Variants in MTRR observed in about 807,000 individuals in gnomAD.
MTRR encodes 5-methyltetrahydrofolate-homocysteine methyltransferase reductase, also known as methionine synthase reductase.
In MTRR, 63 loss-of-function variants were observed where a neutral mutation model predicts 79.2. The ratio of observed to expected loss-of-function variants is 0.80; its 90% confidence interval spans 0.65 to 0.98. MTRR has a LOEUF of 0.98. Among genes scored for constraint, MTRR ranks in the 50% least tolerant of loss-of-function variants. The pLI is 0.00. For synonymous variants in MTRR, 355 were observed against 313.3 expected (o/e 1.13, Z -1.41); for missense variants, 895 against 839.6 (o/e 1.07, Z -0.82).
At chr5:7,873,986 GT>G (rs961300034) in intron 3 of MTRR, among the ~76,000 whole-genome samples, 15 of 152,300 alleles carry the variant, frequency 9.8e-5, no homozygotes, top group Non-Finnish European at 1.6e-4. Context: ...AGCTAGGGGA[GT>G]TTTTACTAAA....
chr5:7,871,416 T>TGG (rs1464317261), intron 2 of MTRR, among the ~76,000 whole-genome samples: 2 of 152,358 alleles, frequency 1.3e-5, no homozygotes, highest in East Asian at 3.9e-4. Context: ...AGGGACTAGT[T>TGG]GTTTATGTTC....
intron 8 of MTRR, among the ~76,000 whole-genome samples, chr5:7,887,496 G>A (rs1425753430): frequency 4.0e-5 from 6 of 148,876 alleles, no homozygotes; most frequent in African/African-American, 1.5e-4. Context: ...CTAGTCTTGG[G>A]TGAGTAAAGT....
At chr5:7,886,886 T>C (rs1262981125) in intron 8 of MTRR, among the ~76,000 whole-genome samples, 183 bp downstream of exon 8, 2 of 152,234 alleles carry the variant, frequency 1.3e-5, no homozygotes, top group Non-Finnish European at 2.9e-5. Flanking sequence ...TGAATCTTTT[T>C]ATGTTGTATT....
rs1445083355 is a variant in MTRR, at chr5:7,878,156, A to T, written c.614A>T (p.Glu205Val). Reference sequence around the variant, plus strand: ...GATGATTCAGGAAGAAAGGATTCTGAGGTTTTGAAGCAAAATGCAGTGAAC... The same window carrying T: ...GATGATTCAGGAAGAAAGGATTCTGTGGTTTTGAAGCAAAATGCAGTGAAC... ...RFDDSGRKDS[E>V]VLKQNAVNSN... The change falls in exon 5 of 15, where the codon GAG becomes GTG. Residue 205 changes from glutamate to valine, a missense_variant. Coordinates refer to ENST00000440940, the MANE Select transcript of MTRR (RefSeq NM_002454.3). The T allele has an allele frequency of 6.2e-7, 1 of 1,614,158 alleles. No homozygotes were observed. Among genetic ancestry groups the T allele is most frequent in the Non-Finnish European group, 8.5e-7 (1 of 1,180,038 alleles).
chr5:7,868,219 A>T, upstream of MTRR: 1 of 602,806 alleles, frequency 1.7e-6, no homozygotes, highest in Non-Finnish European at 2.7e-6. Flanking sequence ...AAAAAAAAAA[A>T]AAAAGGATGG....
chr5:7,894,639 T>A (rs1579806621), intron 11 of MTRR, among the ~76,000 whole-genome samples: 1 of 152,348 alleles, frequency 6.6e-6, no homozygotes, highest in Non-Finnish European at 1.5e-5. Flanking sequence ...GACATGGGCC[T>A]TCTTTGACAT....
upstream of MTRR, among the ~76,000 whole-genome samples, chr5:7,864,623 C>T (rs1405520863): frequency 6.6e-6 from 1 of 152,148 alleles, no homozygotes; most frequent in East Asian, 1.9e-4. Context: ...ATGGCCAACA[C>T]ATATTTGAAA....
Position 7,885,681 on chromosome 5 carries a change from T to TTTTC in MTRR, c.904-20_904-19insTTTC, listed in dbSNP as rs1554003809. The TTTTC allele has an allele frequency of 6.3e-6, 10 of 1,597,468 alleles. No individual in the cohort carries two copies. The highest frequency in any genetic ancestry group is 1.3e-5 in the African/African-American group (1 of 74,130). ...ACACGTATAATGTATTTTTTTTTTT[T>TTTTC]CATTTTGGCTCTTCTCTAGAATACA... On this transcript the variant is annotated intron_variant, in intron 6 of 14. Coordinates refer to ENST00000440940, the MANE Select transcript of MTRR (RefSeq NM_002454.3).
chr5:7,895,982 A>C (rs758039072), intron 12 of MTRR, 130 bp downstream of exon 12: 27 of 1,185,242 alleles, frequency 2.3e-5, no homozygotes, highest in Non-Finnish European at 3.2e-5. Flanking sequence ...GTGCGATAAC[A>C]TAATTTGTCA....
intron 1 of MTRR, 111 bp downstream of exon 1, chr5:7,869,326 C>T: frequency 7.5e-7 from 1 of 1,335,362 alleles, no homozygotes; most frequent in Non-Finnish European, 1.0e-6. Context: ...GCCCGTGGTT[C>T]CCACGCCCTT....
intron 9 of MTRR, among the ~76,000 whole-genome samples, chr5:7,889,972 AC>A (rs1737276252): frequency 6.6e-6 from 1 of 151,722 alleles, no homozygotes; most frequent in Non-Finnish European, 1.5e-5. Flanking sequence ...ATGTCCTAGG[AC>A]CTCTCTGTGG....
chr5:7,878,264 A>C lies in MTRR; in HGVS notation c.722A>C (p.Asn241Thr), dbSNP rs1734925433. The change falls in exon 5 of 15, where the codon AAT (asparagine) becomes ACT (threonine). Residue 241 changes from asparagine to threonine, a missense_variant. Coordinates refer to ENST00000440940, the MANE Select transcript of MTRR (RefSeq NM_002454.3). Reference sequence around the variant, plus strand: ...CCCCCACTCTCACAAGCCTCTCTGAATATTCCTGGTTTACCCCCAGAATAT... The same window carrying C: ...CCCCCACTCTCACAAGCCTCTCTGACTATTCCTGGTTTACCCCCAGAATAT... The part of the protein sequence containing the change: ...SVPPLSQASL[N>T]IPGLPPEYLQ... 1 of 1,614,228 alleles carries C rather than the reference A, an allele frequency of 6.2e-7. No homozygotes were observed.
intron 5 of MTRR, among the ~76,000 whole-genome samples, chr5:7,880,698 C>T (rs11739527): frequency 0.015 from 2,283 of 152,170 alleles, 30 homozygotes; most frequent in Non-Finnish European, 0.024. Context: ...TCTTCTTGGC[C>T]CTCCCCATGA....
In MTRR at chr5:7,896,894, A is replaced by G; in HGVS notation, c.1707A>G (p.Gly569=). ...REKLQEQHPD[G]NFGAMWLFFG... is the part of the protein sequence containing the mutation. ...AACTCCAAGAACAACACCCAGATGG[A>G]AATTTTGGAGCAATGTGGTTGTTTT... is the stretch of plus-strand genomic sequence containing the variant. Residue 569 remains glycine (G), a synonymous_variant, in exon 13 of 15, where the codon GGA becomes GGG. Transcript: ENST00000440940. The G allele has an allele frequency of 6.2e-7, 1 of 1,614,066 alleles. No individual in the cohort carries two copies. Among genetic ancestry groups the G allele is most frequent in the Non-Finnish European group, 8.5e-7 (1 of 1,180,000 alleles).
At chr5:7,886,044 G>A (rs1736377600) in intron 7 of MTRR, among the ~76,000 whole-genome samples, 190 bp downstream of exon 7, 1 of 152,174 alleles carries the variant, frequency 6.6e-6, no homozygotes, top group African/African-American at 2.4e-5. Flanking sequence ...CATGTTAATT[G>A]CACTGAATAA....
intron 1 of MTRR, among the ~76,000 whole-genome samples, chr5:7,854,411 C>A (rs764172525): frequency 6.6e-6 from 1 of 151,888 alleles, no homozygotes; most frequent in Non-Finnish European, 1.5e-5. Context: ...CTCACGTGAT[C>A]ACAAGTTCCC....
rs763503458 is a variant in MTRR, at chr5:7,885,842, A to T, written c.1045A>T (p.Thr349Ser). The change falls in exon 7 of 15, where the codon ACA becomes TCA. Residue 349 changes from threonine to serine, a missense_variant. Coordinates refer to ENST00000440940, the MANE Select transcript of MTRR (RefSeq NM_002454.3). ...CGTCCTTTTGAAAATAAAGGCAGAC[A>T]CAAAGAAGAAAGGTAACAGCCCTGA... ...HCVLLKIKAD[T>S]KKKGATLPQH... 6.2e-7 allele frequency: 1 copy of T among 1,614,130 alleles called. No individual in the cohort carries two copies. Among genetic ancestry groups the T allele is most frequent in the South Asian group, 1.1e-5 (1 of 91,072 alleles).
Position 7,889,648 on chromosome 5 carries a change from C to T in MTRR, c.1327+373C>T, listed in dbSNP as rs1401017626. 2.0e-5 allele frequency among the ~76,000 whole-genome samples: 3 copies of T among 152,096 alleles called. No individual in the cohort carries two copies. The East Asian group carries it at 5.8e-4, about 29-fold the overall frequency. ...TCAGAAAGGTTGTTTAGCTAAATGT[C>T]TAAAAATGAGCTTCCTATAAAATTT... On this transcript the variant is annotated intron_variant, in intron 9 of 14. Coordinates refer to ENST00000440940, the MANE Select transcript of MTRR (RefSeq NM_002454.3).
chr5:7,883,741 A>G (rs1735970008), intron 6 of MTRR, among the ~76,000 whole-genome samples: 1 of 152,220 alleles, frequency 6.6e-6, no homozygotes, highest in African/African-American at 2.4e-5. Context: ...CTAGGGAAGA[A>G]TGGCTGGAGG....
Sources: allele counts gnomAD v4.1 joint callset (sites outside exome capture counted in the v4.1 genomes callset), GRCh38; gene constraint gnomAD v4.1.1; transcripts MANE v1.5; gene names NCBI Gene and HGNC (gene_info 2026-07-23, HGNC 2026-07-21).